The following PPM1L variants were observed in gnomAD, a reference collection of about 807,000 sequenced individuals.
The protein encoded by PPM1L is protein phosphatase, Mg2+/Mn2+ dependent 1L, also known as protein phosphatase 1L.
A neutral mutation model predicts 31.4 loss-of-function variants in PPM1L; 13 were observed. That is an observed-to-expected ratio of 0.41 (90% CI 0.27 to 0.66). PPM1L has a LOEUF of 0.66. Ranked by LOEUF, PPM1L falls within the 30% of genes least tolerant of loss-of-function variation. PPM1L has a pLI of 0.29. For missense variants in PPM1L, 326 were observed against 453.7 expected, an observed-to-expected ratio of 0.72 and a Z score of 2.56; for synonymous variants, 184 against 175.4, an observed-to-expected ratio of 1.05 and a Z score of -0.39.
Position 160,944,811 on chromosome 3 carries a change from CATAT to C in PPM1L, c.400-16920_400-16917del, listed in dbSNP as rs1424848811. The stretch of plus-strand genomic sequence containing the variant: ...TATATGTTATATATAACATATATAA[CATAT>C]ATATGTTATATATAACATATATATG... On this transcript the variant is annotated intron_variant, in intron 1 of 3. Transcript: ENST00000498165. Among the ~76,000 whole-genome samples, 9 of 6,906 alleles carry C rather than the reference CATAT, an allele frequency of 1.3e-3. 1 individual carries two copies. Among genetic ancestry groups the C allele is most frequent in the East Asian group, 9.5e-3 (9 of 950 alleles). The allele number at this position is 6,906 out of a possible 152,430, so 4.5% of individuals were successfully genotyped here. A position where few individuals can be genotyped will look rare whatever the true frequency, so the allele number is the denominator to read the frequency against.
chr3:160,799,580 ACT>A (rs564753787), intron 1 of PPM1L, among the ~76,000 whole-genome samples: 50 of 152,188 alleles, frequency 3.3e-4, no homozygotes, highest in Non-Finnish European at 6.9e-4. Flanking sequence ...AGTTTGTGTG[ACT>A]CTCTTTATTG....
At chr3:161,058,722 T>C (rs1719492785) in intron 2 of PPM1L, among the ~76,000 whole-genome samples, 1 of 152,112 alleles carries the variant, frequency 6.6e-6, no homozygotes, top group South Asian at 2.1e-4. Context: ...TGAAAATCAA[T>C]TGCAAGTATG....
chr3:161,009,990 G>C (rs1285724675), intron 2 of PPM1L, among the ~76,000 whole-genome samples: 1 of 152,016 alleles, frequency 6.6e-6, no homozygotes, highest in Non-Finnish European at 1.5e-5. Flanking sequence ...CATGTTAGTT[G>C]TTTTTATGTC....
intron 1 of PPM1L, among the ~76,000 whole-genome samples, chr3:160,883,846 ACCAG>A (rs1172233805): frequency 7.0e-6 from 1 of 141,968 alleles, no homozygotes; most frequent in Non-Finnish European, 1.5e-5. Flanking sequence ...GGAGTTTGAG[ACCAG>A]CCTGAGCAAC....
intron 2 of PPM1L, among the ~76,000 whole-genome samples, chr3:161,058,553 CTT>C (rs34285698): frequency 0.26 from 39,600 of 151,574 alleles, 5,924 homozygotes; most frequent in African/African-American, 0.4. Flanking sequence ...GGAAAAGAAA[CTT>C]TTTATCATAG....
chr3:160,961,879 A>G lies in PPM1L; in HGVS notation c.543A>G (p.Leu181=), dbSNP rs758022890. ...QQILSIDREM[L]EKLTVSYDEA... is the part of the protein sequence containing the mutation. ...TTTTGTCAATTGACCGAGAAATGCTAGAAAAATTGACTGTATCCTATGATG... is the reference window on the plus strand; with the variant it reads ...TTTTGTCAATTGACCGAGAAATGCTGGAAAAATTGACTGTATCCTATGATG... Residue 181 remains leucine (L), a synonymous_variant, in exon 2 of 4, where the codon CTA becomes CTG. Coordinates refer to ENST00000498165, the MANE Select transcript of PPM1L (RefSeq NM_139245.4). The G allele has an allele frequency of 1.3e-6, 2 of 1,595,016 alleles. No homozygotes were observed. The highest frequency in any genetic ancestry group is 2.3e-5 in the South Asian group (2 of 86,502).
At chr3:161,030,778 G>A (rs75226327) in intron 2 of PPM1L, among the ~76,000 whole-genome samples, 1 of 152,034 alleles carries the variant, frequency 6.6e-6, no homozygotes, top group South Asian at 2.1e-4. Context: ...TGAAATAAGA[G>A]AAAGAAGGCC....
intron 2 of PPM1L, among the ~76,000 whole-genome samples, chr3:161,041,888 A>G (rs1168872569): frequency 1.3e-5 from 2 of 152,218 alleles, no homozygotes; most frequent in Non-Finnish European, 2.9e-5. Flanking sequence ...GAGATTTGAC[A>G]TATATTTGGA....
intron 1 of PPM1L, among the ~76,000 whole-genome samples, chr3:160,834,512 T>TGTGG (rs1448659113): frequency 6.8e-6 from 1 of 146,204 alleles, no homozygotes; most frequent in African/African-American, 2.5e-5. Flanking sequence ...TGTGTGTGTG[T>TGTGG]GGTTGTGTGT....
chr3:161,018,733 A>T (rs937829702), intron 2 of PPM1L, among the ~76,000 whole-genome samples: 1 of 152,208 alleles, frequency 6.6e-6, no homozygotes, highest in Non-Finnish European at 1.5e-5. Context: ...GTCAGAAAAA[A>T]TTTTGAGAAA....
chr3:160,916,385 T>C (rs1232134619), intron 1 of PPM1L, among the ~76,000 whole-genome samples: 1 of 152,102 alleles, frequency 6.6e-6, no homozygotes, highest in African/African-American at 2.4e-5. Context: ...ATCCTAGATA[T>C]AATTTTTGAC....
At chr3:160,774,967 A>G (rs1348583548) in intron 1 of PPM1L, among the ~76,000 whole-genome samples, 1 of 152,248 alleles carries the variant, frequency 6.6e-6, no homozygotes, top group Non-Finnish European at 1.5e-5. Context: ...TGTCTAACAA[A>G]TGAAAAGGGG....
intron 2 of PPM1L, among the ~76,000 whole-genome samples, chr3:160,989,367 AT>A (rs1388163070): frequency 6.6e-6 from 1 of 152,000 alleles, no homozygotes; most frequent in East Asian, 1.9e-4. Flanking sequence ...TTTTAAAAAA[AT>A]AACGATTATT....
intron 1 of PPM1L, among the ~76,000 whole-genome samples, chr3:160,779,851 C>T (rs2108065985): frequency 6.6e-6 from 1 of 152,184 alleles, no homozygotes; most frequent in East Asian, 1.9e-4. Flanking sequence ...TTTTAGTTAC[C>T]TGCCCTTTGG....
Position 160,963,518 on chromosome 3 carries a change from A to G in PPM1L, c.574+1608A>G, listed in dbSNP as rs141089983. 3.0e-4 allele frequency among the ~76,000 whole-genome samples: 45 copies of G among 152,260 alleles called. 1 individual carries two copies. In the East Asian group the frequency reaches 7.9e-3, roughly 27 times the overall value. On this transcript the variant is annotated intron_variant, in intron 2 of 3. Transcript: ENST00000498165. ...AATTTGGGACTAAATACACCCTGTA[A>G]TATCTTCGCGTTATTAAAGTTAAGA...
chr3:160,962,822 T>C (rs1464357050), intron 2 of PPM1L, among the ~76,000 whole-genome samples: 1 of 152,000 alleles, frequency 6.6e-6, no homozygotes, highest in Non-Finnish European at 1.5e-5. Flanking sequence ...CAAAACATTA[T>C]ACTACATTCA....
At chr3:160,886,338 C>T (rs1712915998) in intron 1 of PPM1L, among the ~76,000 whole-genome samples, 1 of 152,200 alleles carries the variant, frequency 6.6e-6, no homozygotes, top group Non-Finnish European at 1.5e-5. Flanking sequence ...AAGCACACCC[C>T]ATCCACAAAG....
intron 2 of PPM1L, among the ~76,000 whole-genome samples, chr3:161,011,236 G>A (rs1304878981): frequency 2.6e-5 from 4 of 152,144 alleles, no homozygotes; most frequent in African/African-American, 4.8e-5. Flanking sequence ...TCTACATATG[G>A]CAAGCCAGTT....
chr3:160,980,615 C>A (rs1175563699), intron 2 of PPM1L, among the ~76,000 whole-genome samples: 1 of 150,952 alleles, frequency 6.6e-6, no homozygotes, highest in Non-Finnish European at 1.5e-5. Context: ...CTGCAGTGAG[C>A]TGTGATCATG....
Sources: gnomAD v4.1 joint callset for allele counts (sites outside exome capture counted in the v4.1 genomes callset) on GRCh38, gnomAD v4.1.1 for gene constraint, MANE v1.5 for transcripts, NCBI Gene and HGNC (gene_info 2026-07-23, HGNC 2026-07-21) for gene names.